The following MYO10 variants were observed in gnomAD, a reference collection of about 807,000 sequenced individuals.
The protein encoded by MYO10 is unconventional myosin-X.
A neutral mutation model predicts 257.3 loss-of-function variants in MYO10; 133 were observed. The ratio of observed to expected loss-of-function variants is 0.52; its 90% CI spans 0.45 to 0.60. MYO10 has a LOEUF of 0.60. MYO10 is among the 20% of genes least tolerant of loss of function. MYO10 has a pLI of 0.00. For synonymous variants in MYO10, 1,104 were observed against 1,028.6 expected (o/e 1.07, Z -1.40); for missense variants, 2,399 against 2,635.7 (o/e 0.91, Z 1.97).
chr5:16,763,732 A>T lies in MYO10; in HGVS notation c.1350T>A (p.Asn450Lys), dbSNP rs1266858687. The T allele has an allele frequency of 6.2e-7, 1 of 1,604,450 alleles. No individual in the cohort carries two copies. Among genetic ancestry groups the T allele is most frequent in the Admixed American group, 1.7e-5 (1 of 59,508 alleles). ...GAAGTTTCTCGTTTGCATAGTTTAT[A>T]TTGAACTGTTCAAAGTGATTAACCT... ...NFEVNHFEQFNINYANEKLQE... is the reference protein window; with the variant it reads ...NFEVNHFEQFKINYANEKLQE... Residue 450 changes from asparagine (N) to lysine (K), a missense_variant, in exon 13 of 41, where the codon AAT (asparagine) becomes AAA (lysine). Physicochemically the swap from Asn to Lys is moderately conservative, Grantham distance 94. Around this residue, in one of 3 missense-constraint regions of MYO10, gnomAD observed 337 missense variants for 446.8 expected, o/e 0.75. Coordinates refer to ENST00000513610, the MANE Select transcript of MYO10 (RefSeq NM_012334.3).
At position 16,710,941 on chromosome 5, in the gene MYO10, G is replaced by T; in HGVS notation, c.2136C>A (p.Ala712=). The T allele has an allele frequency of 6.2e-7, 1 of 1,613,796 alleles. No homozygotes were observed. Among genetic ancestry groups the T allele is most frequent in the Middle Eastern group, 1.6e-4 (1 of 6,062 alleles). Residue 712 remains alanine (A), a synonymous_variant, in exon 21 of 41, where the codon GCC becomes GCA. Transcript: ENST00000513610. ...KCTSLLQLYD[A]SNSEWQLGKT... ...TCCCCAGCTGCCACTCGCTGTTGGA[G>T]GCATCATAGAGCTGCAGCAGGCTCG...
intron 4 of MYO10, among the ~76,000 whole-genome samples, chr5:16,792,721 G>A (rs570193822): frequency 6.6e-6 from 1 of 152,280 alleles, no homozygotes; most frequent in Admixed American, 6.5e-5. Flanking sequence ...ATGACCAGGT[G>A]GGTCTGTCTG....
intron 33 of MYO10, among the ~76,000 whole-genome samples, chr5:16,678,459 A>C (rs1004119176): frequency 2.0e-5 from 3 of 152,182 alleles, no homozygotes; most frequent in Non-Finnish European, 4.4e-5. Flanking sequence ...GGGTGCTTGT[A>C]ATCTCAGCTA....
intron 1 of MYO10, among the ~76,000 whole-genome samples, chr5:16,922,230 C>T (rs1469750531): frequency 2.7e-5 from 4 of 148,676 alleles, no homozygotes; most frequent in Non-Finnish European, 6.0e-5. Flanking sequence ...AAAAAAAAAT[C>T]AAGGGTGCCA....
Position 16,662,348 on chromosome 5 carries a change from G to A in MYO10, c.*4344C>T, listed in dbSNP as rs1736016235. The stretch of plus-strand genomic sequence containing the variant: ...TTTTTTTTTTTTTTTTTTGGAGACA[G>A]AGTCTTGCTCTGTCACCCACACCAG... On this transcript the variant is annotated 3_prime_UTR_variant, in exon 41 of 41. Transcript: ENST00000513610. 1 of 29,314 alleles carries A rather than the reference G, an allele frequency of 3.4e-5. No individual in the cohort carries two copies. Among genetic ancestry groups the A allele is most frequent in the South Asian group, 9.9e-4 (1 of 1,014 alleles). 1.8% of individuals were successfully genotyped at this position (29,314 alleles called of 1,614,324 possible). A position where few individuals can be genotyped will look rare whatever the true frequency, so the allele number is the denominator to read the frequency against.
At chr5:16,680,146 A>T (rs777440576) in intron 32 of MYO10, 42 bp from the exon 33 acceptor site, 2 of 1,584,338 alleles carry the variant, frequency 1.3e-6, no homozygotes. Flanking sequence ...GTCAACGCCA[A>T]CCTCGGGGAC....
intron 2 of MYO10, among the ~76,000 whole-genome samples, chr5:16,827,272 A>C (rs1377927490): frequency 1.3e-5 from 2 of 152,142 alleles, no homozygotes; most frequent in African/African-American, 4.8e-5. Context: ...ACTATAGCCT[A>C]GGGGTTAACA....
chr5:16,847,731 A>G (rs1743678762), intron 2 of MYO10, among the ~76,000 whole-genome samples: 1 of 151,828 alleles, frequency 6.6e-6, no homozygotes, highest in Non-Finnish European at 1.5e-5. Flanking sequence ...CCCTGTCTCA[A>G]AAAAAATTGC....
chr5:16,686,486 G>A (rs911814785), intron 28 of MYO10, among the ~76,000 whole-genome samples: 3 of 151,776 alleles, frequency 2.0e-5, no homozygotes, highest in African/African-American at 7.3e-5. Context: ...TTTGGGTAAG[G>A]GATACTCAAC....
intron 13 of MYO10, 40 bp downstream of exon 13, chr5:16,763,615 T>TA: frequency 1.3e-6 from 2 of 1,584,342 alleles, no homozygotes; most frequent in Admixed American, 1.7e-5. Context: ...AGTTGCTGCT[T>TA]TAAAAAAAAA....
chr5:16,745,963 C>T (rs1050712259), intron 19 of MYO10, among the ~76,000 whole-genome samples: 15 of 152,102 alleles, frequency 9.9e-5, no homozygotes, highest in African/African-American at 3.6e-4. Flanking sequence ...GTTCTTGGAT[C>T]TCATGTAAGA....
intron 2 of MYO10, among the ~76,000 whole-genome samples, chr5:16,861,602 G>A (rs1301461876): frequency 6.6e-6 from 1 of 152,010 alleles, no homozygotes; most frequent in Non-Finnish European, 1.5e-5. Flanking sequence ...TTGCAAAGTA[G>A]GGGTAAGTGA....
intron 1 of MYO10, among the ~76,000 whole-genome samples, chr5:16,922,676 T>C (rs868268000): frequency 1.1e-4 from 16 of 152,130 alleles, no homozygotes; most frequent in African/African-American, 3.9e-4. Flanking sequence ...GTATCTACTC[T>C]AGGGTTGTAG....
In MYO10 at chr5:16,845,330, C is replaced by A. The variant is rs148345983; in HGVS notation, c.121-27163G>T. Among the ~76,000 whole-genome samples the A allele has an allele frequency of 2.0e-3, 305 of 152,140 alleles. 3 individuals are homozygous for A. The highest frequency in any genetic ancestry group is 6.8e-3 in the Middle Eastern group (2 of 294). ...GTTTAACTCCTTCCATTTTAAAGAG[C>A]TGTCCCACGATTATGTCCTTCCCAT... On this transcript the variant is annotated intron_variant, in intron 2 of 40. Transcript: ENST00000513610.
chr5:16,824,827 A>G (rs1742953688), intron 2 of MYO10, among the ~76,000 whole-genome samples: 1 of 152,182 alleles, frequency 6.6e-6, no homozygotes, highest in East Asian at 1.9e-4. Context: ...AGATCACACC[A>G]CTACACACCA....
At position 16,735,754 on chromosome 5, in the gene MYO10, T is replaced by TA. The variant is rs1225307063; in HGVS notation, c.1929+19073dup. Among the ~76,000 whole-genome samples, 60 of 150,996 alleles carry TA rather than the reference T, an allele frequency of 4.0e-4. 1 individual carries two copies. Among genetic ancestry groups the TA allele is most frequent in the African/African-American group, 1.3e-3 (52 of 41,114 alleles). On this transcript the variant is annotated intron_variant, in intron 19 of 40. Coordinates refer to ENST00000513610, the MANE Select transcript of MYO10 (RefSeq NM_012334.3). ...ACACATTACACACTGGCAGACACTC[T>TA]AAAAAATCCTCCCTGTCTGTCTCCG...
At chr5:16,694,760 G>A in intron 26 of MYO10, 146 bp from the exon 27 acceptor site, 1 of 1,044,216 alleles carries the variant, frequency 9.6e-7, no homozygotes, top group East Asian at 2.4e-5. Context: ...AGTGAGGAGT[G>A]GCACTGCTAG....
At position 16,689,870 on chromosome 5, in the gene MYO10, C is replaced by T; in HGVS notation, c.3850G>A (p.Ala1284Thr). ...GCAATCAGGTGGAAAGTCCTATCGG[C>T]CATAATGATGTCGATCCCATTCTCC... ...TKENGIDIIMADRTFHLIAES... is the reference protein window; with the variant it reads ...TKENGIDIIMTDRTFHLIAES... The change falls in exon 28 of 41, where the codon GCC (alanine) becomes ACC (threonine). Residue 1284 changes from alanine (A) to threonine (T), a missense_variant. Physicochemically the swap from Ala to Thr is moderately conservative, Grantham distance 58. This residue lies in a region of MYO10 where 1,820 missense variants were observed against 1,939.4 expected (regional missense o/e 0.94). Coordinates refer to ENST00000513610, the MANE Select transcript of MYO10 (RefSeq NM_012334.3). The T allele has an allele frequency of 6.2e-7, 1 of 1,613,744 alleles. No individual in the cohort carries two copies. The highest frequency in any genetic ancestry group is 2.2e-5 in the East Asian group (1 of 44,870).
intron 1 of MYO10, among the ~76,000 whole-genome samples, chr5:16,914,736 G>T (rs1745768103): frequency 6.6e-6 from 1 of 152,132 alleles, no homozygotes; most frequent in Non-Finnish European, 1.5e-5. Flanking sequence ...ATTTTATAAG[G>T]TCACTGCCAG....
Sources: gnomAD v4.1 joint callset for allele counts (sites outside exome capture counted in the v4.1 genomes callset) on GRCh38, gnomAD v4.1.1 for gene constraint, gnomAD v4.1.1 regional missense constraint, MANE v1.5 for transcripts, NCBI Gene and HGNC (gene_info 2026-07-23, HGNC 2026-07-21) for gene names.